GPC5: variants seen among roughly 807,000 people sequenced by gnomAD.
GPC5 encodes glypican 5, also known as glypican-5.
A neutral mutation model predicts 53.9 loss-of-function variants in GPC5; 47 were observed. The ratio of observed to expected loss-of-function variants is 0.87; its 90% CI spans 0.69 to 1.11. GPC5 has a LOEUF of 1.11. GPC5 is among the 50% of genes most tolerant of loss of function. The pLI, the probability that GPC5 is intolerant of heterozygous loss-of-function variation, is 0.00. For synonymous variants in GPC5, 286 were observed against 263.3 expected, an observed-to-expected ratio of 1.09 and a Z score of -0.84; for missense variants, 748 against 713.1, an observed-to-expected ratio of 1.05 and a Z score of -0.56.
chr13:92,422,573 C>T (rs1348394015), intron 7 of GPC5, among the ~76,000 whole-genome samples: 6 of 151,050 alleles, frequency 4.0e-5, no homozygotes, highest in African/African-American at 7.3e-5. Context: ...GTAGTCATGA[C>T]GAGAGGTGAG....
At chr13:92,037,405 C>G (rs1218182063) in intron 6 of GPC5, among the ~76,000 whole-genome samples, 1 of 152,186 alleles carries the variant, frequency 6.6e-6, no homozygotes, top group Non-Finnish European at 1.5e-5. Flanking sequence ...TTACAGTCAC[C>G]TCTCTAAGAA....
In GPC5 at chr13:91,679,275, G is replaced by C. The variant is rs555599704; in HGVS notation, c.326-13912G>C. 2.2e-3 allele frequency among the ~76,000 whole-genome samples: 338 copies of C among 152,232 alleles called. 1 individual carries two copies. The highest frequency in any genetic ancestry group is 7.5e-3 in the African/African-American group (312 of 41,546). On this transcript the variant is annotated intron_variant, in intron 2 of 7. Coordinates refer to ENST00000377067, the MANE Select transcript of GPC5 (RefSeq NM_004466.6). ...TACAGGTGCCATGAGAACAGCTATT[G>C]ATGACTCACTGGACGTGGGCAATAA...
At chr13:91,638,447 A>G (rs2034338164) in intron 2 of GPC5, among the ~76,000 whole-genome samples, 1 of 151,292 alleles carries the variant, frequency 6.6e-6, no homozygotes, top group Non-Finnish European at 1.5e-5. Flanking sequence ...CTCACTGCAA[A>G]CTCTGCCTCC....
intron 6 of GPC5, among the ~76,000 whole-genome samples, chr13:91,924,602 G>A (rs1241127360): frequency 4.6e-5 from 7 of 151,840 alleles, no homozygotes; most frequent in Non-Finnish European, 1.0e-4. Context: ...TTAGCTGGGC[G>A]TGGTGGTGGG....
At chr13:92,074,784 G>C (rs1203123204) in intron 6 of GPC5, among the ~76,000 whole-genome samples, 1 of 152,096 alleles carries the variant, frequency 6.6e-6, no homozygotes, top group Non-Finnish European at 1.5e-5. Context: ...AGGAGGGTAG[G>C]AACTAAGCCA....
rs572481577 is a variant in GPC5 at position 92,700,963 on chromosome 13, C to A, written c.1562-165319C>A. ...TTTCTTCTGGGTTTTGTGTTAGTTT[C>A]TGATTGTGGTGATGAAATTCACATG... On this transcript the variant is annotated intron_variant, in intron 7 of 7. Transcript: ENST00000377067. 1.3e-3 allele frequency among the ~76,000 whole-genome samples: 203 copies of A among 152,136 alleles called. 4 individuals are homozygous for A. Among genetic ancestry groups the A allele is most frequent in the African/African-American group, 4.7e-3 (195 of 41,534 alleles).
intron 7 of GPC5, among the ~76,000 whole-genome samples, chr13:92,319,909 C>A (rs2043204942): frequency 6.6e-6 from 1 of 152,068 alleles, no homozygotes; most frequent in African/African-American, 2.4e-5. Flanking sequence ...ACAATATATA[C>A]ATTAGTCATT....
chr13:92,817,201 T>C (rs2138805769), intron 7 of GPC5, among the ~76,000 whole-genome samples: 1 of 152,140 alleles, frequency 6.6e-6, no homozygotes, highest in Admixed American at 6.5e-5. Flanking sequence ...TTCCCACACA[T>C]ACACAAACTT....
intron 7 of GPC5, among the ~76,000 whole-genome samples, chr13:92,280,590 C>G (rs935334757): frequency 4.6e-5 from 7 of 152,046 alleles, no homozygotes; most frequent in Non-Finnish European, 1.0e-4. Flanking sequence ...GTTCTTTGAT[C>G]TTATTATGAA....
intron 1 of GPC5, among the ~76,000 whole-genome samples, chr13:91,414,346 A>G (rs117973830): frequency 0.057 from 8,654 of 152,298 alleles, 338 homozygotes; most frequent in Non-Finnish European, 0.084. Context: ...TGCCTTCCGC[A>G]ATGATTGCAA....
chr13:92,284,259 C>T (rs1235352979), intron 7 of GPC5, among the ~76,000 whole-genome samples: 1 of 151,210 alleles, frequency 6.6e-6, no homozygotes, highest in Non-Finnish European at 1.5e-5. Flanking sequence ...AGCCTACCAA[C>T]CAAAAAAAAG....
intron 2 of GPC5, among the ~76,000 whole-genome samples, chr13:91,519,772 G>A (rs1042481717): frequency 1.1e-4 from 16 of 152,042 alleles, no homozygotes; most frequent in African/African-American, 3.9e-4. Context: ...TGTATATTGG[G>A]CAGGTTACTG....
chr13:92,529,853 C>A (rs746165708), intron 7 of GPC5, among the ~76,000 whole-genome samples: 26 of 152,134 alleles, frequency 1.7e-4, no homozygotes, highest in Non-Finnish European at 3.4e-4. Flanking sequence ...GAGGCCGAGG[C>A]GGGGGCATCA....
intron 7 of GPC5, among the ~76,000 whole-genome samples, chr13:92,259,726 G>A (rs534553902): frequency 2.2e-4 from 34 of 152,148 alleles, no homozygotes; most frequent in Non-Finnish European, 3.8e-4. Context: ...CTCTTAGGAG[G>A]AACATGTGAT....
chr13:92,781,074 A>G (rs1876009718), intron 7 of GPC5, among the ~76,000 whole-genome samples: 1 of 152,154 alleles, frequency 6.6e-6, no homozygotes, highest in Non-Finnish European at 1.5e-5. Flanking sequence ...TATGACAATG[A>G]AGACAGAGGT....
intron 7 of GPC5, among the ~76,000 whole-genome samples, chr13:92,683,965 T>C (rs1887179704): frequency 1.3e-5 from 2 of 152,172 alleles, no homozygotes; most frequent in Admixed American, 6.5e-5. Flanking sequence ...TGTTGTCCAG[T>C]ATATGGATTT....
intron 6 of GPC5, among the ~76,000 whole-genome samples, chr13:92,138,075 C>T (rs1367984448): frequency 2.0e-5 from 3 of 152,018 alleles, no homozygotes; most frequent in African/African-American, 7.3e-5. Context: ...GAACCTAAAA[C>T]TACTCTAAAA....
At chr13:91,456,497 G>C (rs930674821) in intron 2 of GPC5, among the ~76,000 whole-genome samples, 2 of 151,692 alleles carry the variant, frequency 1.3e-5, no homozygotes, top group Non-Finnish European at 2.9e-5. Flanking sequence ...ATTTTTTTAA[G>C]ATCCAAAATA....
chr13:92,017,000 A>T (rs1170362180), intron 6 of GPC5, among the ~76,000 whole-genome samples: 1 of 152,102 alleles, frequency 6.6e-6, no homozygotes, highest in Admixed American at 6.6e-5. Flanking sequence ...TTTTGACAAG[A>T]CTTTAGCAGA....
Sources: allele counts gnomAD v4.1 joint callset (sites outside exome capture counted in the v4.1 genomes callset), GRCh38; gene constraint gnomAD v4.1.1; transcripts MANE v1.5; gene names NCBI Gene and HGNC (gene_info 2026-07-23, HGNC 2026-07-21).